Variants in BICD1 observed in about 807,000 individuals in gnomAD.
The protein encoded by BICD1 is protein bicaudal D homolog 1.
In BICD1, 35 loss-of-function variants were observed where a neutral mutation model predicts 92.5. That is an observed-to-expected ratio of 0.38 (90% CI 0.29 to 0.50). The LOEUF (loss-of-function observed/expected upper bound fraction) is 0.50. BICD1 is among the 20% of genes least tolerant of loss of function. The pLI is 0.93. For synonymous variants in BICD1, 429 were observed against 465.1 expected (o/e 0.92, Z 1.00); for missense variants, 950 against 1,189.8 (o/e 0.80, Z 2.97).
At chr12:32,280,590 T>A (rs78489034) in intron 2 of BICD1, among the ~76,000 whole-genome samples, 7,969 of 152,258 alleles carry the variant, frequency 0.052, 315 homozygotes, top group South Asian at 0.11. Flanking sequence ...CCTGGAAATT[T>A]TAATGGTGTG....
chr12:32,346,903 TA>T (rs1287368829), intron 8 of BICD1, among the ~76,000 whole-genome samples: 3 of 150,444 alleles, frequency 2.0e-5, no homozygotes, highest in Non-Finnish European at 4.4e-5. Flanking sequence ...TGACTGATTT[TA>T]AAATAAAATT....
At chr12:32,306,931 C>A (rs2632350) in intron 4 of BICD1, among the ~76,000 whole-genome samples, 115,187 of 151,020 alleles carry the variant, frequency 0.76, 44,369 homozygotes, top group African/African-American at 0.82. Flanking sequence ...TCAGGAGAAT[C>A]ACTTGAACCC....
chr12:32,287,357 G>A (rs903132968), intron 2 of BICD1, among the ~76,000 whole-genome samples: 17 of 151,946 alleles, frequency 1.1e-4, no homozygotes, highest in African/African-American at 3.9e-4. Context: ...TTGAAATTAT[G>A]AGATTTCTTG....
intron 1 of BICD1, among the ~76,000 whole-genome samples, chr12:32,181,938 C>G (rs746440447): frequency 6.6e-6 from 1 of 151,922 alleles, no homozygotes; most frequent in South Asian, 2.1e-4. Flanking sequence ...GCCATAAAAC[C>G]GTGGTGTCTG....
intron 2 of BICD1, among the ~76,000 whole-genome samples, chr12:32,251,934 C>T (rs1009838434): frequency 1.8e-4 from 24 of 137,122 alleles, no homozygotes; most frequent in African/African-American, 4.2e-4. Context: ...GGTTTTGGGG[C>T]GCTCGGGAGT....
At chr12:32,336,214 G>A (rs1368856335) in intron 6 of BICD1, among the ~76,000 whole-genome samples, 2 of 151,924 alleles carry the variant, frequency 1.3e-5, no homozygotes, top group African/African-American at 4.8e-5. Flanking sequence ...ATATTTTAGC[G>A]GGTAAATAAA....
At position 32,282,689 on chromosome 12, in the gene BICD1, TTTAGAGGTTG is replaced by T. The variant is rs540292826; in HGVS notation, c.427-11304_427-11295del. On this transcript the variant is annotated intron_variant, in intron 2 of 9. Transcript: ENST00000652176. ...TGGTACAGACCTGGATGGCTCAACC[TTTAGAGGTTG>T]AGCAGAGACGAGGGGACTGCAAAGA... 7.7e-3 allele frequency among the ~76,000 whole-genome samples: 1,167 copies of T among 152,088 alleles called. 12 individuals are homozygous for T. Among genetic ancestry groups the T allele is most frequent in the African/African-American group, 0.027 (1,118 of 41,476 alleles).
At chr12:32,320,999 G>C (rs1447839637) in intron 4 of BICD1, among the ~76,000 whole-genome samples, 4 of 152,132 alleles carry the variant, frequency 2.6e-5, no homozygotes, top group Admixed American at 2.6e-4. Flanking sequence ...GCTTTAAAGT[G>C]CTTTGCATGT....
At chr12:32,184,463 C>G (rs982206193) in intron 1 of BICD1, among the ~76,000 whole-genome samples, 1 of 151,954 alleles carries the variant, frequency 6.6e-6, no homozygotes, top group Non-Finnish European at 1.5e-5. Flanking sequence ...ATTTTTGTAT[C>G]TTTATTAGAG....
chr12:32,109,997 C>A (rs1205389061), intron 1 of BICD1, among the ~76,000 whole-genome samples: 1 of 152,122 alleles, frequency 6.6e-6, no homozygotes, highest in Non-Finnish European at 1.5e-5. Flanking sequence ...TAAAATAAAT[C>A]TTTGCTTATT....
In BICD1 at chr12:32,328,345, C is replaced by T. The variant is rs200579974; in HGVS notation, c.1890C>T (p.Ala630=). ...CAATGAATATCTACAACCTTAATGC[C>T]ATAATCCGGGACCAAATCAAGCATC... is the stretch of plus-strand genomic sequence containing the variant. The part of the protein sequence containing the change: ...KEPMNIYNLN[A]IIRDQIKHLQ... The change falls in exon 5 of 10, where the codon GCC becomes GCT. Residue 630 remains alanine, a synonymous_variant. Transcript: ENST00000652176. This position sits in a 1 kb window ranked among gnomAD's most constrained non-coding sequence, Gnocchi z 4.4. 17 of 1,614,124 alleles carry T rather than the reference C, an allele frequency of 1.1e-5. No homozygotes were observed. In the African/African-American group the frequency reaches 2.1e-4, roughly 20 times the overall value.
At chr12:32,343,809 A>G (rs1938470600) in intron 8 of BICD1, among the ~76,000 whole-genome samples, 1 of 152,248 alleles carries the variant, frequency 6.6e-6, no homozygotes, top group Non-Finnish European at 1.5e-5. Flanking sequence ...TATTAGCCTT[A>G]GATACGTAAT....
intron 1 of BICD1, among the ~76,000 whole-genome samples, chr12:32,131,288 G>A (rs1942536817): frequency 6.6e-6 from 1 of 151,952 alleles, no homozygotes; most frequent in Non-Finnish European, 1.5e-5. Context: ...TTATTTTTCT[G>A]TTGCCGTATA....
chr12:32,158,423 A>C (rs1323211148), intron 1 of BICD1, among the ~76,000 whole-genome samples: 1 of 152,140 alleles, frequency 6.6e-6, no homozygotes, highest in Non-Finnish European at 1.5e-5. Context: ...CCAGGAATTG[A>C]GATCAGCCTG....
chr12:32,243,817 C>T (rs1946300312), intron 2 of BICD1, among the ~76,000 whole-genome samples: 1 of 152,128 alleles, frequency 6.6e-6, no homozygotes, highest in South Asian at 2.1e-4. Context: ...ATACTCATTT[C>T]TACCTGTTTT....
chr12:32,228,457 G>A (rs1033363543), intron 2 of BICD1, among the ~76,000 whole-genome samples: 3 of 152,156 alleles, frequency 2.0e-5, no homozygotes, highest in Non-Finnish European at 1.5e-5. Context: ...ATCATGTAGG[G>A]CCTTGTAGAC....
chr12:32,233,167 C>G (rs550448208), intron 2 of BICD1, among the ~76,000 whole-genome samples: 2 of 151,988 alleles, frequency 1.3e-5, no homozygotes, highest in African/African-American at 2.4e-5. Context: ...ACTAAAAATA[C>G]AAAAGTTATG....
chr12:32,174,704 T>C (rs1944043979), intron 1 of BICD1, among the ~76,000 whole-genome samples: 1 of 152,212 alleles, frequency 6.6e-6, no homozygotes. Context: ...TGTGAAAGCA[T>C]TGTCTTCAGT....
chr12:32,331,884 C>T (rs1443821398), intron 5 of BICD1, among the ~76,000 whole-genome samples: 1 of 152,078 alleles, frequency 6.6e-6, no homozygotes, highest in Non-Finnish European at 1.5e-5. Context: ...ATGCTTATTG[C>T]CGTAAATAGC....
Sources: gnomAD v4.1 joint callset for allele counts (sites outside exome capture counted in the v4.1 genomes callset) on GRCh38, gnomAD v4.1.1 for gene constraint, Gnocchi (gnomAD v3.1) non-coding constraint, MANE v1.5 for transcripts, NCBI Gene and HGNC (gene_info 2026-07-23, HGNC 2026-07-21) for gene names.